PI4KA: variants seen among roughly 807,000 people sequenced by gnomAD.
PI4KA encodes phosphatidylinositol 4-kinase alpha, also known as PI4-kinase alpha.
PI4KA carries 122 observed loss-of-function variants against 271.4 expected under a neutral mutation model. The ratio of observed to expected loss-of-function variants is 0.45; its 90% CI spans 0.39 to 0.52. The LOEUF is 0.52. Among genes scored for constraint, PI4KA ranks in the 20% least tolerant of loss-of-function variants. The probability of loss-of-function intolerance (pLI) is 0.00; values close to 1 mark genes in which losing one functional copy is unlikely to be tolerated. For missense variants in PI4KA, 1,969 were observed against 2,769.1 expected, an observed-to-expected ratio of 0.71 and a Z score of 6.48; for synonymous variants, 1,041 against 1,078.8, an observed-to-expected ratio of 0.96 and a Z score of 0.69.
At chr22:20,845,977 G>A (rs554741035) in intron 1 of PI4KA, among the ~76,000 whole-genome samples, 53 of 152,294 alleles carry the variant, frequency 3.5e-4, no homozygotes, top group African/African-American at 1.2e-3. Flanking sequence ...ACGAAAATCA[G>A]CCGGGCGCTG....
chr22:20,769,222 G>A (rs369989760), intron 19 of PI4KA, among the ~76,000 whole-genome samples: 97 of 152,316 alleles, frequency 6.4e-4, no homozygotes, highest in African/African-American at 2.0e-3. Flanking sequence ...TCCTACTCCT[G>A]ACCCTGTGAA....
intron 4 of PI4KA, among the ~76,000 whole-genome samples, chr22:20,821,547 T>C (rs181054057): frequency 6.6e-6 from 1 of 151,734 alleles, no homozygotes; most frequent in East Asian, 2.0e-4. Context: ...AGAAATTTTT[T>C]TTTGTTCCTG....
chr22:20,744,476 A>C, intron 30 of PI4KA, 152 bp downstream of exon 30: 1 of 582,530 alleles, frequency 1.7e-6, no homozygotes, highest in South Asian at 2.3e-5. Flanking sequence ...TGTGCCAAGA[A>C]TCCTCCTAAA....
chr22:20,753,084 C>T (rs768920474), intron 24 of PI4KA, 26 bp downstream of exon 24: 3 of 1,614,208 alleles, frequency 1.9e-6, no homozygotes, highest in East Asian at 4.5e-5. Flanking sequence ...AGCAGACAGA[C>T]ACGCATTCAT....
At chr22:20,810,830 T>C (rs751387043) in intron 9 of PI4KA, 137 bp downstream of exon 9, 1 of 727,998 alleles carries the variant, frequency 1.4e-6, no homozygotes, top group Non-Finnish European at 2.5e-6. Flanking sequence ...GGCAGGTGGA[T>C]TGTTACCACA....
chr22:20,722,524 T>C (rs1304986692), intron 42 of PI4KA, among the ~76,000 whole-genome samples: 1 of 152,158 alleles, frequency 6.6e-6, no homozygotes, highest in Non-Finnish European at 1.5e-5. Flanking sequence ...TGGACTAATA[T>C]ACACAACTGT....
chr22:20,829,875 A>T (rs937346355), intron 3 of PI4KA, among the ~76,000 whole-genome samples: 1 of 152,018 alleles, frequency 6.6e-6, no homozygotes, highest in African/African-American at 2.4e-5. Flanking sequence ...ATTTCAAATA[A>T]TTTCTTGATT....
intron 9 of PI4KA, among the ~76,000 whole-genome samples, chr22:20,809,570 T>C (rs1569059391): frequency 6.6e-6 from 1 of 151,684 alleles, no homozygotes. Flanking sequence ...GCCCACTAAG[T>C]CTCCACTTGT....
chr22:20,777,427 A>G (rs927229945), intron 19 of PI4KA, among the ~76,000 whole-genome samples: 6 of 152,074 alleles, frequency 3.9e-5, no homozygotes, highest in Non-Finnish European at 5.9e-5. Flanking sequence ...CATGTTGGCC[A>G]GGCTGGTCTC....
Position 20,733,786 on chromosome 22 carries a change from G to T in PI4KA, c.4110C>A (p.Ile1370=), listed in dbSNP as rs1382633823. Residue 1370 remains isoleucine, a synonymous_variant, in exon 35 of 55, where the codon ATC becomes ATA. Coordinates refer to ENST00000255882, the MANE Select transcript of PI4KA (RefSeq NM_058004.4). ...AGATCTTCTCGCGAAGCACATTGCG[G>T]ATGGTTGCATTTGGAACCACATCGG... ...LHADVVPNAT[I]RNVLREKIYS... is the part of the protein sequence containing the mutation. 6.2e-7 allele frequency: 1 copy of T among 1,613,172 alleles called. No individual in the cohort carries two copies. Among genetic ancestry groups the T allele is most frequent in the Non-Finnish European group, 8.5e-7 (1 of 1,179,848 alleles).
In PI4KA at chr22:20,819,654, G is replaced by C. The variant is rs759788025; in HGVS notation, c.776C>G (p.Ser259Cys). The C allele has an allele frequency of 6.2e-7, 1 of 1,613,982 alleles. No homozygotes were observed. The stretch of plus-strand genomic sequence containing the variant: ...GCCCAGGCCCACCTGAGAGATGCTG[G>C]ACACACTGCTGGTTTTCCTCTTCAG... ...GTLKRKTSSV[S>C]SISQVSPERG... Residue 259 changes from serine to cysteine, a missense_variant, in exon 6 of 55, where the codon TCC (serine) becomes TGC (cysteine). Ser to Cys is a moderately radical substitution (Grantham distance 112, BLOSUM62 -1). Transcript: ENST00000255882.
chr22:20,753,949 G>C (rs1309809928), intron 23 of PI4KA, among the ~76,000 whole-genome samples: 1 of 152,208 alleles, frequency 6.6e-6, no homozygotes, highest in Admixed American at 6.5e-5. Context: ...GCCTCCCAAA[G>C]TGCTGGGATT....
At chr22:20,839,426 A>C (rs763671954) in intron 1 of PI4KA, among the ~76,000 whole-genome samples, 3 of 152,214 alleles carry the variant, frequency 2.0e-5, no homozygotes, top group African/African-American at 7.2e-5. Context: ...CACAATGGCT[A>C]AAGTTTGCAT....
Position 20,747,715 on chromosome 22 carries a change from A to G in PI4KA, c.3244-13T>C, listed in dbSNP as rs755740444. On this transcript the variant is annotated splice_polypyrimidine_tract_variant and intron_variant, in intron 28 of 54. Transcript: ENST00000255882. The stretch of plus-strand genomic sequence containing the variant: ...TGTTCAGATATTCCTGAAATAGGAA[A>G]AACACATGGGGTTTCAGTTATTTAT... The G allele has an allele frequency of 6.2e-7, 1 of 1,611,834 alleles. No homozygotes were observed. Among genetic ancestry groups the G allele is most frequent in the Non-Finnish European group, 8.5e-7 (1 of 1,178,176 alleles).
chr22:20,747,144 C>G (rs1204065100), intron 29 of PI4KA, among the ~76,000 whole-genome samples: 1 of 152,214 alleles, frequency 6.6e-6, no homozygotes, highest in African/African-American at 2.4e-5. Context: ...CTAGATTAAT[C>G]TCTAGCAGAA....
At chr22:20,759,571 T>C (rs1235977732) in intron 23 of PI4KA, among the ~76,000 whole-genome samples, 2 of 151,572 alleles carry the variant, frequency 1.3e-5, no homozygotes, top group African/African-American at 4.8e-5. Context: ...GCTCGGCTTA[T>C]TTATTTATTT....
intron 19 of PI4KA, among the ~76,000 whole-genome samples, chr22:20,769,326 G>A (rs1048331190): frequency 2.6e-4 from 40 of 152,096 alleles, no homozygotes; most frequent in Non-Finnish European, 1.3e-4. Context: ...CCACTGTCTT[G>A]GCTGAGACTG....
intron 47 of PI4KA, 77 bp downstream of exon 47, chr22:20,714,381 T>C (rs1925706367): frequency 4.6e-6 from 7 of 1,512,658 alleles, no homozygotes; most frequent in Admixed American, 2.2e-5. Context: ...ATACTAAATT[T>C]AACACATGCC....
intron 12 of PI4KA, among the ~76,000 whole-genome samples, chr22:20,803,756 G>T (rs1358852168): frequency 1.3e-5 from 2 of 152,068 alleles, no homozygotes; most frequent in Non-Finnish European, 2.9e-5. Context: ...GGGCTCAAGC[G>T]ATCCTCCCAC....
Sources: gnomAD v4.1 joint callset for allele counts (sites outside exome capture counted in the v4.1 genomes callset) on GRCh38, gnomAD v4.1.1 for gene constraint, MANE v1.5 for transcripts, NCBI Gene and HGNC (gene_info 2026-07-23, HGNC 2026-07-21) for gene names.